RPSA2: variants seen among roughly 807,000 people sequenced by gnomAD.
The protein encoded by RPSA2 is ribosomal protein SA 2, also known as small ribosomal subunit protein uS2B.
chr19:23,859,928 C>T, the RPSA2 span, among the ~76,000 whole-genome samples: 1 of 152,124 alleles, frequency 6.6e-6, no homozygotes, highest in African/African-American at 2.4e-5. Context: ...AAATAAATAT[C>T]TAACTTTTCC....
the RPSA2 span, among the ~76,000 whole-genome samples, chr19:23,811,402 C>T: frequency 6.6e-6 from 1 of 152,086 alleles, no homozygotes; most frequent in African/African-American, 2.4e-5. Flanking sequence ...TTTAATGTAT[C>T]ATGTAGCTGT....
At chr19:23,790,869 G>T in the RPSA2 span, 1 of 511,836 alleles carries the variant, frequency 2.0e-6, no homozygotes. Context: ...CCCGCAGTCA[G>T]CTCCACAATC....
At chr19:23,761,923 T>TCCTTCCTTCCTTCCTTCCTTCC in the RPSA2 span, among the ~76,000 whole-genome samples, 5 of 63,550 alleles carry the variant, frequency 7.9e-5, 1 homozygote, top group African/African-American at 3.4e-4. Flanking sequence ...TTTCTTTCTT[T>TCCTTCCTTCCTTCCTTCCTTCC]TTTTTTTTTT....
the RPSA2 span, among the ~76,000 whole-genome samples, chr19:23,856,726 C>G: frequency 6.6e-6 from 1 of 152,094 alleles, no homozygotes; most frequent in Admixed American, 6.6e-5. Flanking sequence ...AATTTTACAG[C>G]TGGGCCGCTG....
the RPSA2 span, among the ~76,000 whole-genome samples, chr19:23,840,029 A>G: frequency 6.6e-6 from 1 of 152,176 alleles, no homozygotes; most frequent in Non-Finnish European, 1.5e-5. Context: ...GCCTTTAAGG[A>G]CATATTCTGA....
the RPSA2 span, among the ~76,000 whole-genome samples, chr19:23,821,639 C>T: frequency 6.6e-6 from 1 of 152,202 alleles, no homozygotes; most frequent in Non-Finnish European, 1.5e-5. Context: ...TGTGGCAGCC[C>T]TTGGCTGGGG....
the RPSA2 span, among the ~76,000 whole-genome samples, chr19:23,775,220 C>A: frequency 6.6e-6 from 1 of 152,168 alleles, no homozygotes; most frequent in Non-Finnish European, 1.5e-5. Context: ...TCACCTTCAT[C>A]CATGGACAGA....
chr19:23,838,013 C>A, the RPSA2 span, among the ~76,000 whole-genome samples: 2 of 152,118 alleles, frequency 1.3e-5, no homozygotes, highest in Non-Finnish European at 2.9e-5. Context: ...GCACCCTTGT[C>A]TTGTTCCCAT....
the RPSA2 span, among the ~76,000 whole-genome samples, chr19:23,806,001 G>GTCTA: frequency 1.6e-3 from 211 of 132,770 alleles, no homozygotes; most frequent in African/African-American, 6.0e-3. Flanking sequence ...CTATCTGTCT[G>GTCTA]TCTATCTATC....
the RPSA2 span, among the ~76,000 whole-genome samples, chr19:23,811,413 C>T: frequency 6.6e-6 from 1 of 152,098 alleles, no homozygotes; most frequent in African/African-American, 2.4e-5. Flanking sequence ...ATGTAGCTGT[C>T]ATTACTGGTG....
At chr19:23,776,325 G>A in the RPSA2 span, among the ~76,000 whole-genome samples, 1 of 152,094 alleles carries the variant, frequency 6.6e-6, no homozygotes, top group Non-Finnish European at 1.5e-5. Context: ...TTGCCTCTGT[G>A]CTTTCCACAT....
chr19:23,848,391 C>T, the RPSA2 span, among the ~76,000 whole-genome samples: 148,871 of 152,200 alleles, frequency 0.98, 72,899 homozygotes, highest in Middle Eastern at 1. Flanking sequence ...AAAAACAAGC[C>T]GATTAAACAG....
At chr19:23,812,767 G>A in the RPSA2 span, among the ~76,000 whole-genome samples, 17,862 of 152,034 alleles carry the variant, frequency 0.12, 1,111 homozygotes, top group East Asian at 0.22. Context: ...TCTCATTTTC[G>A]TCATGTGTTT....
chr19:23,794,591 T>C, the RPSA2 span, among the ~76,000 whole-genome samples: 3 of 151,946 alleles, frequency 2.0e-5, no homozygotes, highest in Non-Finnish European at 4.4e-5. Flanking sequence ...TATTACACCT[T>C]TGTCAGAAGC....
At chr19:23,836,144 C>G in the RPSA2 span, among the ~76,000 whole-genome samples, 1 of 152,060 alleles carries the variant, frequency 6.6e-6, no homozygotes, top group African/African-American at 2.4e-5. Context: ...TTATTCCTCT[C>G]CCTTCCCACT....
chr19:23,845,857 T>G, the RPSA2 span, among the ~76,000 whole-genome samples: 2 of 152,142 alleles, frequency 1.3e-5, no homozygotes, highest in Non-Finnish European at 2.9e-5. Context: ...GTTTGTAAAT[T>G]TATAGTTTCT....
the RPSA2 span, among the ~76,000 whole-genome samples, chr19:23,871,185 C>T: frequency 6.6e-6 from 1 of 152,182 alleles, no homozygotes; most frequent in Non-Finnish European, 1.5e-5. Flanking sequence ...TGTCTTTATT[C>T]CCACATTCAT....
chr19:23,832,491 CT>C, the RPSA2 span: 1 of 527,252 alleles, frequency 1.9e-6, no homozygotes, highest in South Asian at 1.7e-5. Context: ...TGTGGCAAAC[CT>C]TTTAGCCAAA....
At chr19:23,836,644 G>A in the RPSA2 span, among the ~76,000 whole-genome samples, 1 of 152,184 alleles carries the variant, frequency 6.6e-6, no homozygotes, top group Non-Finnish European at 1.5e-5. Flanking sequence ...CAGTGTGGAA[G>A]TGTTCTTTGA....
Sources: gnomAD v4.1 joint callset for allele counts (sites outside exome capture counted in the v4.1 genomes callset) on GRCh38, gnomAD v4.1.1 for gene constraint, MANE v1.5 for transcripts, NCBI Gene and HGNC (gene_info 2026-07-23, HGNC 2026-07-21) for gene names.